Variants in FYTTD1 observed in about 807,000 individuals in gnomAD.
FYTTD1 encodes the protein forty-two-three domain containing 1, also known as UAP56-interacting factor.
FYTTD1 carries 22 observed loss-of-function variants against 40.9 expected under a neutral mutation model. That is an observed-to-expected ratio of 0.54 (90% CI 0.38 to 0.77). The LOEUF is 0.77. Ranked by LOEUF, FYTTD1 falls within the 30% of genes least tolerant of loss-of-function variation. The probability of loss-of-function intolerance (pLI) is 0.00; values close to 1 mark genes in which losing one functional copy is unlikely to be tolerated. For synonymous variants in FYTTD1, 140 were observed against 137.9 expected (o/e 1.01, Z -0.10); for missense variants, 351 against 392.2 (o/e 0.90, Z 0.89).
chr3:197,775,854 T>A (rs936227510), intron 6 of FYTTD1, among the ~76,000 whole-genome samples: 2 of 152,264 alleles, frequency 1.3e-5, no homozygotes, highest in African/African-American at 4.8e-5. Context: ...CATATAAATG[T>A]TATTTGTTTT....
intron 2 of FYTTD1, among the ~76,000 whole-genome samples, chr3:197,761,032 A>G (rs1438563555): frequency 6.9e-6 from 1 of 145,882 alleles, no homozygotes; most frequent in Non-Finnish European, 1.5e-5. Flanking sequence ...GAATGTATAG[A>G]CTTGTTCTTC....
chr3:197,770,383 C>T (rs1580460757), intron 4 of FYTTD1, 139 bp downstream of exon 4: 3 of 634,598 alleles, frequency 4.7e-6, no homozygotes, highest in Non-Finnish European at 8.6e-6. Flanking sequence ...TCTATCTGAA[C>T]ATCCACATGG....
chr3:197,772,419 C>A (rs553848437), intron 4 of FYTTD1, among the ~76,000 whole-genome samples: 9 of 152,132 alleles, frequency 5.9e-5, no homozygotes, highest in Non-Finnish European at 1.3e-4. Context: ...TTTCGTACTT[C>A]ACTAACTTCC....
chr3:197,751,506 C>A (rs1729044157), intron 1 of FYTTD1, among the ~76,000 whole-genome samples: 1 of 152,056 alleles, frequency 6.6e-6, no homozygotes. Flanking sequence ...ATTAGCCGGG[C>A]GTGGTGGCCG....
chr3:197,782,968 C>T lies in FYTTD1; in HGVS notation c.*1059C>T, dbSNP rs1730067550. The T allele has an allele frequency of 6.6e-6, 1 of 152,426 alleles. No individual in the cohort carries two copies. Among genetic ancestry groups the T allele is most frequent in the South Asian group, 2.1e-4 (1 of 4,822 alleles). 9.4% of individuals were successfully genotyped at this position (152,426 alleles called of 1,614,324 possible). A position where few individuals can be genotyped will look rare whatever the true frequency, so the allele number is the denominator to read the frequency against. On this transcript the variant is annotated 3_prime_UTR_variant, in exon 9 of 9. Transcript: ENST00000241502. ...TTATAGCTCCAAAAACAAAAATATA[C>T]TTGTATATGTCACAGAGAAAAAAAA...
At position 197,785,254 on chromosome 3, in the gene FYTTD1, T is replaced by C. The variant is rs1035282829; in HGVS notation, c.*3345T>C. The C allele has an allele frequency of 2.0e-5, 3 of 152,220 alleles. No homozygotes were observed. The highest frequency in any genetic ancestry group is 1.3e-4 in the Admixed American group (2 of 15,284). 9.4% of individuals were successfully genotyped at this position (152,220 alleles called of 1,614,324 possible). On this transcript the variant is annotated 3_prime_UTR_variant, in exon 9 of 9. Coordinates refer to ENST00000241502, the MANE Select transcript of FYTTD1 (RefSeq NM_032288.7). ...GTCATCCCTCAGTATACACGGAGGA[T>C]TGGTTCCAGGACCCTTGTATATACC...
rs149561008 is a variant in FYTTD1, at chr3:197,781,900, C to T, written c.948C>T (p.Thr316=). 1.3e-4 allele frequency: 210 copies of T among 1,601,062 alleles called. No homozygotes were observed. In the African/African-American group the frequency reaches 2.3e-3, roughly 17 times the overall value. ...ACAAAGGGGGAAGCCGCTTTGTCAC[C>T]GTGGGATAGGTCCCATGTCAAAGGA... ...TYNKGGSRFV[T]VG is the part of the protein sequence containing the mutation. Residue 316 remains threonine (T), a synonymous_variant, in exon 9 of 9, where the codon ACC becomes ACT. Transcript: ENST00000241502.
rs200792127 is a variant in FYTTD1, at chr3:197,776,979, C to T, written c.709C>T (p.Pro237Ser). 2.5e-5 allele frequency: 40 copies of T among 1,610,548 alleles called. No homozygotes were observed. The highest frequency in any genetic ancestry group is 4.2e-6 in the Non-Finnish European group (5 of 1,177,332). Residue 237 changes from proline (P) to serine (S), a missense_variant, in exon 7 of 9, where the codon CCT (proline) becomes TCT (serine). Pro to Ser is a moderately conservative substitution (Grantham distance 74, BLOSUM62 -1). Coordinates refer to ENST00000241502, the MANE Select transcript of FYTTD1 (RefSeq NM_032288.7). ...GATTTTGACTGTATCTATTGACAAT[C>T]CTGGAGCAGTGCAATGCCCAGTGTA... ...GGILTVSIDNPGAVQCPVTQK... is the reference protein window; with the variant it reads ...GGILTVSIDNSGAVQCPVTQK...
At position 197,749,943 on chromosome 3, in the gene FYTTD1, C is replaced by T. The variant is rs765307103; in HGVS notation, c.-29C>T. 3 of 1,497,204 alleles carry T rather than the reference C, an allele frequency of 2.0e-6. No homozygotes were observed. Among genetic ancestry groups the T allele is most frequent in the South Asian group, 1.2e-5 (1 of 83,118 alleles). 92.7% of individuals were successfully genotyped at this position (1,497,204 alleles called of 1,614,324 possible). A position where few individuals can be genotyped will look rare whatever the true frequency, so the allele number is the denominator to read the frequency against. ...AGGCCTGCGACTCCGGCCTTGTCCG[C>T]GCCCGCTCTCGGCGCGACGTCTCCA... On this transcript the variant is annotated 5_prime_UTR_variant, in exon 1 of 9. Transcript: ENST00000241502.
At chr3:197,768,188 T>G (rs1258448009) in intron 2 of FYTTD1, among the ~76,000 whole-genome samples, 1 of 152,200 alleles carries the variant, frequency 6.6e-6, no homozygotes, top group Non-Finnish European at 1.5e-5. Context: ...GAGAAACTAA[T>G]GACAAAAGAG....
chr3:197,768,157 C>T (rs188046298), intron 2 of FYTTD1, among the ~76,000 whole-genome samples: 3 of 152,214 alleles, frequency 2.0e-5, no homozygotes, highest in Admixed American at 1.3e-4. Flanking sequence ...GGTAAAGACT[C>T]GACAGACTGT....
At chr3:197,771,669 T>C (rs1729721158) in intron 4 of FYTTD1, among the ~76,000 whole-genome samples, 3 of 141,388 alleles carry the variant, frequency 2.1e-5, no homozygotes, top group East Asian at 4.3e-4. Flanking sequence ...CCCAGCTACT[T>C]GGGAGGCTGA....
Position 197,781,965 on chromosome 3 carries a change from G to A in FYTTD1, c.*56G>A, listed in dbSNP as rs1295401144. ...ACTCTGAGAAGTTGAATTGCTTGAA[G>A]AGTTCATCACGGAAATTCAAGAAAC... is the stretch of plus-strand genomic sequence containing the variant. On this transcript the variant is annotated 3_prime_UTR_variant, in exon 9 of 9. Transcript: ENST00000241502. 2.9e-6 allele frequency: 3 copies of A among 1,025,208 alleles called. No individual in the cohort carries two copies. The highest frequency in any genetic ancestry group is 4.3e-6 in the Non-Finnish European group (3 of 700,786). 63.5% of individuals were successfully genotyped at this position (1,025,208 alleles called of 1,614,324 possible). A position where few individuals can be genotyped will look rare whatever the true frequency, so the allele number is the denominator to read the frequency against.
rs1730157712 is a variant in FYTTD1, at chr3:197,786,409, C to G, written c.*4500C>G. The stretch of plus-strand genomic sequence containing the variant: ...GGATTACAGGTGTGAGCCACCGCAC[C>G]CAGCCTACAGCTTATTTTCTACCTA... On this transcript the variant is annotated 3_prime_UTR_variant, in exon 9 of 9. Transcript: ENST00000241502. 1.3e-5 allele frequency: 2 copies of G among 152,212 alleles called. No individual in the cohort carries two copies. The highest frequency in any genetic ancestry group is 4.8e-5 in the African/African-American group (2 of 41,428). 9.4% of individuals were successfully genotyped at this position (152,212 alleles called of 1,614,324 possible). A position where few individuals can be genotyped will look rare whatever the true frequency, so the allele number is the denominator to read the frequency against.
chr3:197,755,792 G>A, intron 1 of FYTTD1: 1 of 1,550,882 alleles, frequency 6.4e-7, no homozygotes, highest in East Asian at 2.4e-5. Flanking sequence ...CTGGCCGGAA[G>A]GGGGTCATCT....
At chr3:197,777,238 A>T (rs1214360030) in intron 7 of FYTTD1, among the ~76,000 whole-genome samples, 1 of 152,166 alleles carries the variant, frequency 6.6e-6, no homozygotes, top group Non-Finnish European at 1.5e-5. Flanking sequence ...ATGTTTTAAA[A>T]ATTATGTGCA....
Position 197,781,959 on chromosome 3 carries a change from C to T in FYTTD1, c.*50C>T. 3 of 1,089,978 alleles carry T rather than the reference C, an allele frequency of 2.8e-6. No individual in the cohort carries two copies. The highest frequency in any genetic ancestry group is 4.0e-6 in the Non-Finnish European group (3 of 755,482). 67.5% of individuals were successfully genotyped at this position (1,089,978 alleles called of 1,614,324 possible). ...GTGATGACTCTGAGAAGTTGAATTG[C>T]TTGAAGAGTTCATCACGGAAATTCA... is the stretch of plus-strand genomic sequence containing the variant. On this transcript the variant is annotated 3_prime_UTR_variant, in exon 9 of 9. Coordinates refer to ENST00000241502, the MANE Select transcript of FYTTD1 (RefSeq NM_032288.7).
intron 5 of FYTTD1, 114 bp from the exon 6 acceptor site, chr3:197,774,035 T>A: frequency 1.2e-6 from 1 of 839,474 alleles, no homozygotes; most frequent in Admixed American, 2.0e-5. Context: ...CGCAGGCACC[T>A]CCGCTGCACT....
intron 1 of FYTTD1, among the ~76,000 whole-genome samples, chr3:197,751,991 C>T (rs966939989): frequency 1.3e-5 from 2 of 152,102 alleles, no homozygotes; most frequent in African/African-American, 4.8e-5. Flanking sequence ...CCTGCCTCAG[C>T]CTCCCGAGTA....
Sources: gnomAD v4.1 joint callset for allele counts (sites outside exome capture counted in the v4.1 genomes callset) on GRCh38, gnomAD v4.1.1 for gene constraint, MANE v1.5 for transcripts, NCBI Gene and HGNC (gene_info 2026-07-23, HGNC 2026-07-21) for gene names.